The following NCKAP5L variants were observed in gnomAD, a reference collection of about 807,000 sequenced individuals.
NCKAP5L encodes the protein nck-associated protein 5-like.
In NCKAP5L, 54 loss-of-function variants were observed where a neutral mutation model predicts 103.2. That is an observed-to-expected ratio of 0.52 (90% confidence interval 0.42 to 0.66). The LOEUF is 0.66. Ranked by LOEUF, NCKAP5L falls within the 30% of genes least tolerant of loss-of-function variation. The pLI is 0.00. For missense variants in NCKAP5L, 1,733 were observed against 1,750.6 expected (o/e 0.99, Z 0.18); for synonymous variants, 762 against 748.6 (o/e 1.02, Z -0.29).
intron 1 of NCKAP5L, among the ~76,000 whole-genome samples, chr12:49,825,462 G>A (rs919598719): frequency 2.4e-4 from 36 of 152,276 alleles, no homozygotes; most frequent in African/African-American, 8.7e-4. Flanking sequence ...ACCCCACTTC[G>A]GCTGTCAGGC....
At position 49,818,133 on chromosome 12, in the gene NCKAP5L, GA is replaced by G. The variant is rs561411067; in HGVS notation, c.-99+10188del. Among the ~76,000 whole-genome samples, 374 of 133,624 alleles carry G rather than the reference GA, an allele frequency of 2.8e-3. 2 individuals are homozygous for G. In the East Asian group the frequency reaches 0.035, roughly 12 times the overall value. The allele number at this position is 133,624 out of a possible 152,430, so 87.7% of individuals were successfully genotyped here. ...GGTGACACAGCAAGGCTGTGTCTTG[GA>G]AAAAAAAAAAAACAAAAAAACCTTA... On this transcript the variant is annotated intron_variant, in intron 1 of 12. Coordinates refer to ENST00000335999, the MANE Select transcript of NCKAP5L (RefSeq NM_001037806.4).
rs1263766664 is a variant in NCKAP5L at position 49,822,404 on chromosome 12, T to C, written c.-99+5918A>G. 1.3e-5 allele frequency among the ~76,000 whole-genome samples: 2 copies of C among 152,056 alleles called. 1 individual carries two copies. On this transcript the variant is annotated intron_variant, in intron 1 of 12. Transcript: ENST00000335999. ...CTAATAGGTAAGGCAACAAATACAG[T>C]AGACATGCTACGCTGTATTTTGGGT...
chr12:49,813,780 G>C (rs1447140517), intron 1 of NCKAP5L, among the ~76,000 whole-genome samples: 1 of 151,918 alleles, frequency 6.6e-6, no homozygotes, highest in Non-Finnish European at 1.5e-5. Flanking sequence ...TGCCCGCCTC[G>C]GCCTTCCAAA....
chr12:49,796,788 C>T lies in NCKAP5L; in HGVS notation c.1072G>A (p.Gly358Arg). 1 of 1,613,692 alleles carries T rather than the reference C, an allele frequency of 6.2e-7. No homozygotes were observed. Among genetic ancestry groups the T allele is most frequent in the Non-Finnish European group, 8.5e-7 (1 of 1,179,832 alleles). ...GCCTGGTCTGGGGAGGATGACTGCCCAGGACCTGGGTGGTCCCCATTGAGT... is the reference window on the plus strand; with the variant it reads ...GCCTGGTCTGGGGAGGATGACTGCCTAGGACCTGGGTGGTCCCCATTGAGT... Reference protein sequence around the residue: ...GPLNGDHPGPGQSSSPDQAPP... With the variant: ...GPLNGDHPGPRQSSSPDQAPP... Residue 358 changes from glycine (G) to arginine (R), a missense_variant, in exon 8 of 13, where the codon GGG becomes AGG. By Grantham distance (125) the Gly-to-Arg change is moderately radical. Coordinates refer to ENST00000335999, the MANE Select transcript of NCKAP5L (RefSeq NM_001037806.4).
Position 49,807,246 on chromosome 12 carries a change from C to CGTGTGTGT in NCKAP5L, c.-98-1213_-98-1206dup, listed in dbSNP as rs67299530. On this transcript the variant is annotated intron_variant, in intron 1 of 12. Transcript: ENST00000335999. ...ACAGTGAAAAGAGAGAATGCTTCTT[C>CGTGTGTGT]GTGTGTGTGTGTGTGTGTGTGTGTG... 6.2e-4 allele frequency among the ~76,000 whole-genome samples: 93 copies of CGTGTGTGT among 149,258 alleles called. 1 individual carries two copies. Among genetic ancestry groups the CGTGTGTGT allele is most frequent in the East Asian group, 2.9e-3 (15 of 5,102 alleles).
At chr12:49,801,158 C>A (rs567527749) in intron 6 of NCKAP5L, among the ~76,000 whole-genome samples, 1 of 152,182 alleles carries the variant, frequency 6.6e-6, no homozygotes, top group Non-Finnish European at 1.5e-5. Context: ...AACACGCACA[C>A]CCCCCTCCCC....
chr12:49,827,903 C>G (rs116995893), intron 1 of NCKAP5L, among the ~76,000 whole-genome samples: 40 of 152,348 alleles, frequency 2.6e-4, no homozygotes, highest in African/African-American at 3.8e-4. Flanking sequence ...GCCCCTCCCC[C>G]CGCAATAACC....
At chr12:49,808,079 C>T (rs193234150) in intron 1 of NCKAP5L, among the ~76,000 whole-genome samples, 1 of 152,330 alleles carries the variant, frequency 6.6e-6, no homozygotes. Context: ...GGACTGGCTG[C>T]GGACTCTCTA....
In NCKAP5L at chr12:49,791,548, T is replaced by G. The variant is rs1232801349; in HGVS notation, c.*291A>C. The G allele has an allele frequency of 1.7e-5, 5 of 302,008 alleles. No individual in the cohort carries two copies. Among genetic ancestry groups the G allele is most frequent in the Non-Finnish European group, 3.1e-5 (5 of 163,694 alleles). 18.7% of individuals were successfully genotyped at this position (302,008 alleles called of 1,614,324 possible). ...AGATGGCTCAGCCTGAAGTAGGGAC[T>G]GGAGGGCTGCGACACAGTGGCCTTT... is the stretch of plus-strand genomic sequence containing the variant. On this transcript the variant is annotated 3_prime_UTR_variant, in exon 13 of 13. Transcript: ENST00000335999.
At position 49,793,649 on chromosome 12, in the gene NCKAP5L, G is replaced by A. The variant is rs375224870; in HGVS notation, c.3258+85C>T. 7.6e-5 allele frequency: 110 copies of A among 1,443,326 alleles called. No individual in the cohort carries two copies. In the African/African-American group the frequency reaches 1.3e-3, roughly 17 times the overall value. The allele number at this position is 1,443,326 out of a possible 1,614,324, so 89.4% of individuals were successfully genotyped here. ...AGTGCATCCGGCACTCATGGTCTTG[G>A]GGAAGGGGAACCCTCTAGGGGGTAA... On this transcript the variant is annotated intron_variant, in intron 9 of 12. Transcript: ENST00000335999.
At chr12:49,794,617 G>A (rs1438550274) in intron 8 of NCKAP5L, 148 bp downstream of exon 8, 2 of 454,718 alleles carry the variant, frequency 4.4e-6, no homozygotes, top group East Asian at 1.1e-4. Context: ...CCCCCCACCA[G>A]CTGCTTTGGT....
At chr12:49,799,864 C>T (rs937002682) in intron 6 of NCKAP5L, among the ~76,000 whole-genome samples, 4 of 152,198 alleles carry the variant, frequency 2.6e-5, no homozygotes, top group Non-Finnish European at 4.4e-5. Flanking sequence ...GTTCTTTCCA[C>T]AGGGATCCCT....
rs900749485 is a variant in NCKAP5L at position 49,827,839 on chromosome 12, G to A, written c.-99+483C>T. Among the ~76,000 whole-genome samples, 3 of 152,358 alleles carry A rather than the reference G, an allele frequency of 2.0e-5. 1 individual carries two copies. The highest frequency in any genetic ancestry group is 1.5e-5 in the Non-Finnish European group (1 of 68,028). Reference sequence around the variant, plus strand: ...CGCCCCAGGCCACGGGGAATGGGAAGGAGTGCGAAAGGGAGCCCCAGGCTC... The same window carrying A: ...CGCCCCAGGCCACGGGGAATGGGAAAGAGTGCGAAAGGGAGCCCCAGGCTC... On this transcript the variant is annotated intron_variant, in intron 1 of 12. Transcript: ENST00000335999.
intron 1 of NCKAP5L, among the ~76,000 whole-genome samples, chr12:49,824,910 C>T (rs898734758): frequency 6.6e-6 from 1 of 152,174 alleles, no homozygotes; most frequent in Non-Finnish European, 1.5e-5. Context: ...GAGGGTCCTG[C>T]GATAACACTC....
rs1946059899 is a variant in NCKAP5L, at chr12:49,796,980, G to A, written c.880C>T (p.Pro294Ser). ...GAAGAGGAGGAGGAGCTGCTGCCTG[G>A]GGCACAGTTTGGGCCAGAGCTGGTG... ...QGTSSGPNCA[P>S]GSSSSSSSDE... The change falls in exon 8 of 13, where the codon CCA (proline) becomes TCA (serine). Residue 294 changes from proline (P) to serine (S), a missense_variant. By Grantham distance (74) the Pro-to-Ser change is moderately conservative (BLOSUM62 -1). Coordinates refer to ENST00000335999, the MANE Select transcript of NCKAP5L (RefSeq NM_001037806.4). The A allele has an allele frequency of 6.3e-7, 1 of 1,598,662 alleles. No homozygotes were observed. Among genetic ancestry groups the A allele is most frequent in the African/African-American group, 1.3e-5 (1 of 74,698 alleles).
At chr12:49,828,262 G>A (rs2137052243) in intron 1 of NCKAP5L, 60 bp downstream of exon 1, 1 of 152,772 alleles carries the variant, frequency 6.5e-6, no homozygotes, top group East Asian at 1.9e-4. Flanking sequence ...CCGGCCCGGA[G>A]CTACAGATCG....
In NCKAP5L at chr12:49,791,977, C is replaced by G; in HGVS notation, c.3867G>C (p.Gly1289=). Residue 1289 remains glycine, a synonymous_variant, in exon 13 of 13, where the codon GGG becomes GGC. Coordinates refer to ENST00000335999, the MANE Select transcript of NCKAP5L (RefSeq NM_001037806.4). ...PSPTPQGPPF[G]GSRTPSTSDM... ...CCGAAGTGCTGGGGGTGCGGCTACC[C>G]CCGAAAGGTGGGCCCTGGGGCGTAG... is the stretch of plus-strand genomic sequence containing the variant. The G allele has an allele frequency of 6.2e-7, 1 of 1,608,510 alleles. No individual in the cohort carries two copies. Among genetic ancestry groups the G allele is most frequent in the South Asian group, 1.1e-5 (1 of 90,534 alleles).
At chr12:49,816,058 C>G (rs1185064270) in intron 1 of NCKAP5L, among the ~76,000 whole-genome samples, 1 of 152,198 alleles carries the variant, frequency 6.6e-6, no homozygotes. Flanking sequence ...CTCGTGCAGC[C>G]TCATTGTTCT....
chr12:49,822,346 C>T (rs1426960780), intron 1 of NCKAP5L, among the ~76,000 whole-genome samples: 1 of 152,048 alleles, frequency 6.6e-6, no homozygotes, highest in South Asian at 2.1e-4. Context: ...CCGACATAGG[C>T]GGCAGGAGAA....
Sources: gnomAD v4.1 joint callset for allele counts (sites outside exome capture counted in the v4.1 genomes callset) on GRCh38, gnomAD v4.1.1 for gene constraint, MANE v1.5 for transcripts, NCBI Gene and HGNC (gene_info 2026-07-23, HGNC 2026-07-21) for gene names.